PROKR1: variants seen among roughly 807,000 people sequenced by gnomAD.
PROKR1 encodes the protein prokineticin receptor 1, also known as G protein-coupled receptor 73.
A neutral mutation model predicts 22.8 loss-of-function variants in PROKR1; 21 were observed. That is an observed-to-expected ratio of 0.92 (90% CI 0.65 to 1.32). PROKR1 has a LOEUF of 1.32. Ranked by LOEUF, PROKR1 falls within the 40% of genes most tolerant of loss-of-function variation. The pLI, the probability that PROKR1 is intolerant of heterozygous loss-of-function variation, is 0.00. For missense variants in PROKR1, 548 were observed against 514.2 expected, an observed-to-expected ratio of 1.07 and a Z score of -0.64; for synonymous variants, 193 against 207.5, an observed-to-expected ratio of 0.93 and a Z score of 0.60.
rs1673452960 is a variant in PROKR1, at chr2:68,656,347, G to A, written c.*771G>A. ...GGTAAGCATGTCCCCTGGCTCCATG[G>A]ACTTTTTGCCTTCAGTGAGAAGGGA... On this transcript the variant is annotated 3_prime_UTR_variant, in exon 3 of 3. Coordinates refer to ENST00000303786, the MANE Select transcript of PROKR1 (RefSeq NM_138964.4). 6.6e-6 allele frequency: 1 copy of A among 152,544 alleles called. No individual in the cohort carries two copies. Among genetic ancestry groups the A allele is most frequent in the Admixed American group, 6.5e-5 (1 of 15,292 alleles). 9.4% of individuals were successfully genotyped at this position (152,544 alleles called of 1,614,324 possible).
chr2:68,648,242 C>T (rs544786908), intron 2 of PROKR1, among the ~76,000 whole-genome samples: 11 of 152,172 alleles, frequency 7.2e-5, no homozygotes, highest in Non-Finnish European at 1.3e-4. Context: ...AGCCAGGATA[C>T]ACTAAGGGGC....
intron 2 of PROKR1, among the ~76,000 whole-genome samples, chr2:68,653,202 G>A (rs1673372882): frequency 6.6e-6 from 1 of 152,220 alleles, no homozygotes; most frequent in Non-Finnish European, 1.5e-5. Flanking sequence ...CCAACACCCT[G>A]CAGACATTTC....
chr2:68,650,332 A>T (rs1673287676), intron 2 of PROKR1, among the ~76,000 whole-genome samples: 1 of 152,168 alleles, frequency 6.6e-6, no homozygotes, highest in Admixed American at 6.5e-5. Flanking sequence ...ATGGTTAAAC[A>T]TATTTATGTC....
intron 2 of PROKR1, among the ~76,000 whole-genome samples, chr2:68,653,683 C>G (rs1673383172): frequency 6.6e-6 from 1 of 152,084 alleles, no homozygotes; most frequent in Non-Finnish European, 1.5e-5. Flanking sequence ...AGCCACGGGA[C>G]GTCTTCCAGG....
In PROKR1 at chr2:68,645,747, G is replaced by C; in HGVS notation, c.-75G>C. 4.4e-6 allele frequency: 7 copies of C among 1,599,934 alleles called. No homozygotes were observed. The highest frequency in any genetic ancestry group is 6.0e-6 in the Non-Finnish European group (7 of 1,168,134). On this transcript the variant is annotated 5_prime_UTR_variant, in exon 2 of 3. Coordinates refer to ENST00000303786, the MANE Select transcript of PROKR1 (RefSeq NM_138964.4). Reference sequence around the variant, plus strand: ...TAAGGGAGAGCTGGCTGATAGCAGAGAGGGGTGACATCAGCCTTGCAGACA... The same window carrying C: ...TAAGGGAGAGCTGGCTGATAGCAGACAGGGGTGACATCAGCCTTGCAGACA...
In PROKR1 at chr2:68,645,855, G is replaced by A. The variant is rs1673162413; in HGVS notation, c.34G>A (p.Ala12Thr). Reference protein sequence around the residue: ...ETTMGFMDDNATNTSTSFLSV... With the variant: ...ETTMGFMDDNTTNTSTSFLSV... The stretch of plus-strand genomic sequence containing the variant: ...CACCATGGGGTTCATGGATGACAAT[G>A]CCACCAACACTTCCACCAGCTTCCT... The change falls in exon 2 of 3, where the codon GCC (alanine) becomes ACC (threonine). Residue 12 changes from alanine to threonine, a missense_variant. By Grantham distance (58) the Ala-to-Thr change is moderately conservative. Transcript: ENST00000303786. The A allele has an allele frequency of 6.2e-7, 1 of 1,614,066 alleles. No homozygotes were observed. Among genetic ancestry groups the A allele is most frequent in the African/African-American group, 1.3e-5 (1 of 74,906 alleles).
In PROKR1 at chr2:68,655,267, C is replaced by A; in HGVS notation, c.873C>A (p.Thr291=). ...KTVLVLMCIL[T]AYVLCWAPFY... ...TCCTGGTGCTCATGTGCATCCTCAC[C>A]GCCTACGTGCTATGCTGGGCGCCCT... is the stretch of plus-strand genomic sequence containing the variant. The change falls in exon 3 of 3, where the codon ACC becomes ACA. Residue 291 remains threonine, a synonymous_variant. Coordinates refer to ENST00000303786, the MANE Select transcript of PROKR1 (RefSeq NM_138964.4). 6.2e-7 allele frequency: 1 copy of A among 1,614,252 alleles called. No individual in the cohort carries two copies. The highest frequency in any genetic ancestry group is 8.5e-7 in the Non-Finnish European group (1 of 1,180,050).
At position 68,646,050 on chromosome 2, in the gene PROKR1, G is replaced by C; in HGVS notation, c.229G>C (p.Gly77Arg). Residue 77 changes from glycine to arginine, a missense_variant, in exon 2 of 3, where the codon GGC (glycine) becomes CGC (arginine). By Grantham distance (125) the Gly-to-Arg change is moderately radical. Transcript: ENST00000303786. ...CCTGGTGGGCATCATGCTGGTCTGC[G>C]GCATTGGAAACTTCATCTTTATCGC... ...MALVGIMLVC[G>R]IGNFIFIAAL... The C allele has an allele frequency of 1.9e-6, 3 of 1,614,230 alleles. No individual in the cohort carries two copies. Among genetic ancestry groups the C allele is most frequent in the Non-Finnish European group, 2.5e-6 (3 of 1,180,048 alleles).
chr2:68,644,562 C>A (rs192668593), intron 1 of PROKR1, among the ~76,000 whole-genome samples: 10 of 152,128 alleles, frequency 6.6e-5, no homozygotes, highest in Admixed American at 3.9e-4. Flanking sequence ...GATGTTTTGC[C>A]TCGGAGGAAT....
rs1272817116 is a variant in PROKR1, at chr2:68,656,094, A to G, written c.*518A>G. ...TTTCATGGCGAGGGGCCTTGCATGCATGTGCACGGACATCCCAGTATTCAT... is the reference window on the plus strand; with the variant it reads ...TTTCATGGCGAGGGGCCTTGCATGCGTGTGCACGGACATCCCAGTATTCAT... On this transcript the variant is annotated 3_prime_UTR_variant, in exon 3 of 3. Coordinates refer to ENST00000303786, the MANE Select transcript of PROKR1 (RefSeq NM_138964.4). The G allele has an allele frequency of 2.7e-5, 6 of 223,986 alleles. No individual in the cohort carries two copies. Among genetic ancestry groups the G allele is most frequent in the Non-Finnish European group, 4.5e-5 (5 of 112,120 alleles). The allele number at this position is 223,986 out of a possible 1,614,324, so 13.9% of individuals were successfully genotyped here. A position where few individuals can be genotyped will look rare whatever the true frequency, so the allele number is the denominator to read the frequency against.
chr2:68,652,180 T>C (rs1343709603), intron 2 of PROKR1, among the ~76,000 whole-genome samples: 1 of 152,196 alleles, frequency 6.6e-6, no homozygotes, highest in Middle Eastern at 3.2e-3. Context: ...GTTATTTAAC[T>C]TCCCCAAGCC....
chr2:68,647,184 A>G (rs754579279), intron 2 of PROKR1, among the ~76,000 whole-genome samples: 13 of 152,256 alleles, frequency 8.5e-5, no homozygotes, highest in Non-Finnish European at 1.0e-4. Flanking sequence ...GATAGTGCAG[A>G]AGACCTGTTT....
chr2:68,646,035 A>G lies in PROKR1; in HGVS notation c.214A>G (p.Ile72Val), dbSNP rs1312774881. The change falls in exon 2 of 3, where the codon ATC (isoleucine) becomes GTC (valine). Residue 72 changes from isoleucine (I) to valine (V), a missense_variant. Ile to Val is a conservative substitution (Grantham distance 29, BLOSUM62 3). Coordinates refer to ENST00000303786, the MANE Select transcript of PROKR1 (RefSeq NM_138964.4). ...KIVIGMALVGIMLVCGIGNFI... is the reference protein window; with the variant it reads ...KIVIGMALVGVMLVCGIGNFI... ...TGTCATTGGGATGGCCCTGGTGGGCATCATGCTGGTCTGCGGCATTGGAAA... is the reference window on the plus strand; with the variant it reads ...TGTCATTGGGATGGCCCTGGTGGGCGTCATGCTGGTCTGCGGCATTGGAAA... The G allele has an allele frequency of 6.2e-7, 1 of 1,614,268 alleles. No homozygotes were observed.
Position 68,655,863 on chromosome 2 carries a change from A to G in PROKR1, c.*287A>G, listed in dbSNP as rs1009614662. The G allele has an allele frequency of 4.4e-6, 2 of 457,118 alleles. No individual in the cohort carries two copies. The highest frequency in any genetic ancestry group is 3.9e-5 in the African/African-American group (2 of 50,670). 28.3% of individuals were successfully genotyped at this position (457,118 alleles called of 1,614,324 possible). ...GGCAAAATGAAATTGGAATTAAACC[A>G]AGGAAAATGTGGTGGTGTAGATAGA... On this transcript the variant is annotated 3_prime_UTR_variant, in exon 3 of 3. Transcript: ENST00000303786.
intron 1 of PROKR1, among the ~76,000 whole-genome samples, chr2:68,644,322 A>G (rs1673128320): frequency 6.6e-6 from 1 of 152,058 alleles, no homozygotes; most frequent in East Asian, 1.9e-4. Flanking sequence ...ACCTGCAAGG[A>G]GTGGGGCTTG....
chr2:68,651,416 A>G (rs983718371), intron 2 of PROKR1, among the ~76,000 whole-genome samples: 1 of 152,200 alleles, frequency 6.6e-6, no homozygotes, highest in African/African-American at 2.4e-5. Flanking sequence ...CCTCTGCCCC[A>G]GCCACAGGTA....
chr2:68,653,551 T>C (rs1673379493), intron 2 of PROKR1, among the ~76,000 whole-genome samples: 1 of 152,204 alleles, frequency 6.6e-6, no homozygotes, highest in Non-Finnish European at 1.5e-5. Flanking sequence ...TCACGTTTGC[T>C]CTGGGCTCTA....
At chr2:68,650,064 T>G (rs1285809776) in intron 2 of PROKR1, among the ~76,000 whole-genome samples, 1 of 95,534 alleles carries the variant, frequency 1.0e-5, no homozygotes, top group Non-Finnish European at 2.0e-5. Context: ...TGGGGACTGT[T>G]GTGGGGTGGG....
chr2:68,645,928 A>G lies in PROKR1; in HGVS notation c.107A>G (p.Asn36Ser), dbSNP rs186403864. The change falls in exon 2 of 3, where the codon AAC (asparagine) becomes AGC (serine). Residue 36 changes from asparagine to serine, a missense_variant. Asn to Ser is a conservative substitution (Grantham distance 46, BLOSUM62 1). Coordinates refer to ENST00000303786, the MANE Select transcript of PROKR1 (RefSeq NM_138964.4). ...GCCCATGCCACTTCCTTCCCATTCA[A>G]CTTCAGCTACAGCGACTATGATATG... Reference protein sequence around the residue: ...HGAHATSFPFNFSYSDYDMPL... With the variant: ...HGAHATSFPFSFSYSDYDMPL... 84 of 1,614,106 alleles carry G rather than the reference A, an allele frequency of 5.2e-5. No individual in the cohort carries two copies. Among genetic ancestry groups the G allele is most frequent in the Admixed American group, 3.7e-4 (22 of 60,016 alleles).
Sources: allele counts gnomAD v4.1 joint callset (sites outside exome capture counted in the v4.1 genomes callset), GRCh38; gene constraint gnomAD v4.1.1; transcripts MANE v1.5; gene names NCBI Gene and HGNC (gene_info 2026-07-23, HGNC 2026-07-21).